Variants in INPP4B observed in about 807,000 individuals in gnomAD.
INPP4B encodes inositol polyphosphate 4-phosphatase type II.
A neutral mutation model predicts 122.5 loss-of-function variants in INPP4B; 55 were observed. That is an observed-to-expected ratio of 0.45 (90% confidence interval 0.36 to 0.56). The LOEUF is 0.56. Among genes scored for constraint, INPP4B ranks in the 20% least tolerant of loss-of-function variants. The pLI is 0.00. For synonymous variants in INPP4B, 403 were observed against 388.7 expected (o/e 1.04, Z -0.43); for missense variants, 1,000 against 1,097.7 (o/e 0.91, Z 1.26).
At chr4:142,209,139 G>C (rs1329126768) in intron 12 of INPP4B, 113 bp from the exon 13 acceptor site, 1 of 712,104 alleles carries the variant, frequency 1.4e-6, no homozygotes, top group Non-Finnish European at 2.1e-6. Flanking sequence ...TAATTCCCAG[G>C]AAAGTTCTAT....
At chr4:142,102,459 T>G (rs1481193945) in intron 23 of INPP4B, among the ~76,000 whole-genome samples, 2 of 109,446 alleles carry the variant, frequency 1.8e-5, no homozygotes, top group Non-Finnish European at 3.7e-5. Context: ...GTGAACAAAG[T>G]CTTTTTTTTT....
chr4:142,159,559 AG>A (rs11332746), intron 17 of INPP4B, among the ~76,000 whole-genome samples: 12,749 of 152,062 alleles, frequency 0.084, 699 homozygotes, highest in Middle Eastern at 0.17. Context: ...GTTAACTAAA[AG>A]CTTAACATCT....
chr4:142,099,014 A>G (rs73853019), intron 23 of INPP4B, among the ~76,000 whole-genome samples: 48 of 152,262 alleles, frequency 3.2e-4, no homozygotes, highest in African/African-American at 1.1e-3. Flanking sequence ...GGTGGCTGGG[A>G]AGCCAAGTGA....
At chr4:142,101,984 C>T (rs1051138356) in intron 23 of INPP4B, among the ~76,000 whole-genome samples, 9 of 151,956 alleles carry the variant, frequency 5.9e-5, no homozygotes, top group African/African-American at 2.2e-4. Flanking sequence ...TTTAGATATT[C>T]CACATTGTAC....
intron 3 of INPP4B, among the ~76,000 whole-genome samples, chr4:142,438,084 C>T (rs1321448713): frequency 1.3e-5 from 2 of 152,168 alleles, no homozygotes; most frequent in Admixed American, 6.5e-5. Context: ...ATTCCACGCT[C>T]ATGGATAGGA....
rs763267066 is a variant in INPP4B, at chr4:142,024,733, T to A, written c.*4049A>T. ...AGTAATATGTTACTGTTTTTCCTAC[T>A]TTTAGCAAATGCCAAAATTATAAAC... On this transcript the variant is annotated 3_prime_UTR_variant, in exon 26 of 26. Transcript: ENST00000262992. 5.9e-5 allele frequency: 9 copies of A among 152,162 alleles called. No homozygotes were observed. The highest frequency in any genetic ancestry group is 1.2e-4 in the Non-Finnish European group (8 of 68,018). 9.4% of individuals were successfully genotyped at this position (152,162 alleles called of 1,614,324 possible).
intron 2 of INPP4B, among the ~76,000 whole-genome samples, chr4:142,574,677 A>G (rs1305229698): frequency 6.6e-6 from 1 of 152,122 alleles, no homozygotes; most frequent in Non-Finnish European, 1.5e-5. Flanking sequence ...TCTTCTCCTC[A>G]ATAAAGTTTC....
intron 25 of INPP4B, among the ~76,000 whole-genome samples, chr4:142,033,615 A>G (rs1741821866): frequency 6.6e-6 from 1 of 151,764 alleles, no homozygotes; most frequent in Non-Finnish European, 1.5e-5. Context: ...TAGATTTTCA[A>G]GAAAGAGCAT....
At chr4:142,754,815 T>C (rs371066490) in intron 1 of INPP4B, among the ~76,000 whole-genome samples, 1 of 152,060 alleles carries the variant, frequency 6.6e-6, no homozygotes, top group African/African-American at 2.4e-5. Flanking sequence ...GATTCTTCTA[T>C]AGCTAAACTC....
At chr4:142,774,684 G>T (rs1003116574) in intron 1 of INPP4B, among the ~76,000 whole-genome samples, 1 of 151,776 alleles carries the variant, frequency 6.6e-6, no homozygotes, top group African/African-American at 2.4e-5. Flanking sequence ...TATTGATTTT[G>T]TCTTCTGCAC....
chr4:142,801,191 C>T (rs573246022), intron 1 of INPP4B, among the ~76,000 whole-genome samples: 209 of 152,194 alleles, frequency 1.4e-3, no homozygotes, highest in Non-Finnish European at 2.7e-3. Flanking sequence ...CAGGTGGTTG[C>T]AGTAATCTAA....
intron 3 of INPP4B, 96 bp from the exon 4 acceptor site, chr4:142,431,481 A>T (rs1280277935): frequency 1.1e-5 from 6 of 537,264 alleles, no homozygotes; most frequent in Non-Finnish European, 2.0e-5. Context: ...CATTCAAATA[A>T]ACTTTCTTCC....
At position 142,123,858 on chromosome 4, in the gene INPP4B, C is replaced by T. The variant is rs574563726; in HGVS notation, c.1894-443G>A. Among the ~76,000 whole-genome samples, 6 of 152,260 alleles carry T rather than the reference C, an allele frequency of 3.9e-5. No individual in the cohort carries two copies. The East Asian group carries it at 1.2e-3, about 29-fold the overall frequency. On this transcript the variant is annotated intron_variant, in intron 19 of 25. Transcript: ENST00000262992. ...GACACCTGGTTAGCTTCATGTGCCA[C>T]TGGACCATTCATGAAATAGTGGGGG...
intron 2 of INPP4B, among the ~76,000 whole-genome samples, chr4:142,475,145 A>G (rs1465972738): frequency 3.3e-5 from 5 of 152,204 alleles, no homozygotes; most frequent in African/African-American, 1.2e-4. Flanking sequence ...AACACTTAAT[A>G]AAAGAAATTT....
chr4:142,116,476 T>C (rs1793517501), intron 21 of INPP4B, among the ~76,000 whole-genome samples: 1 of 152,128 alleles, frequency 6.6e-6, no homozygotes, highest in Non-Finnish European at 1.5e-5. Flanking sequence ...CAGATCACAG[T>C]GCAATCAAAC....
chr4:142,293,457 T>C (rs1757295574), intron 9 of INPP4B, among the ~76,000 whole-genome samples: 1 of 152,200 alleles, frequency 6.6e-6, no homozygotes. Context: ...TGGCACTAAA[T>C]GTATTCAAGT....
At chr4:142,294,923 T>A (rs958190758) in intron 9 of INPP4B, among the ~76,000 whole-genome samples, 7 of 150,662 alleles carry the variant, frequency 4.6e-5, no homozygotes, top group African/African-American at 1.7e-4. Flanking sequence ...GTGCAGATGT[T>A]CATGTTCACT....
intron 9 of INPP4B, among the ~76,000 whole-genome samples, chr4:142,276,046 C>T (rs1367326561): frequency 1.3e-5 from 2 of 151,736 alleles, no homozygotes; most frequent in African/African-American, 4.8e-5. Context: ...CAAAAATATT[C>T]CTCCTCTACC....
At chr4:142,076,267 T>C (rs1770657832) in intron 25 of INPP4B, among the ~76,000 whole-genome samples, 1 of 152,122 alleles carries the variant, frequency 6.6e-6, no homozygotes, top group Admixed American at 6.6e-5. Flanking sequence ...ATACATTTTG[T>C]TCAGGAAGTT....
Sources: gnomAD v4.1 joint callset for allele counts (sites outside exome capture counted in the v4.1 genomes callset) on GRCh38, gnomAD v4.1.1 for gene constraint, MANE v1.5 for transcripts, NCBI Gene and HGNC (gene_info 2026-07-23, HGNC 2026-07-21) for gene names.